TMEM62: variants seen among roughly 807,000 people sequenced by gnomAD.
The protein encoded by TMEM62 is transmembrane protein 62.
A neutral mutation model predicts 70.4 loss-of-function variants in TMEM62; 41 were observed. The ratio of observed to expected loss-of-function variants is 0.58; its 90% CI spans 0.45 to 0.76. The LOEUF is 0.76. Among genes scored for constraint, TMEM62 ranks in the 30% least tolerant of loss-of-function variants. The probability of loss-of-function intolerance (pLI) is 0.00; values close to 1 mark genes in which losing one functional copy is unlikely to be tolerated. For missense variants in TMEM62, 688 were observed against 788.5 expected (o/e 0.87, Z 1.53); for synonymous variants, 268 against 291.0 (o/e 0.92, Z 0.80).
intron 8 of TMEM62, among the ~76,000 whole-genome samples, 179 bp downstream of exon 8, chr15:43,152,124 AT>A (rs1267617082): frequency 6.6e-6 from 1 of 152,224 alleles, no homozygotes; most frequent in Non-Finnish European, 1.5e-5. Flanking sequence ...AAAGCATATC[AT>A]TTTTTTAAGC....
Position 43,146,569 on chromosome 15 carries a change from T to A in TMEM62, c.553T>A (p.Cys185Ser), listed in dbSNP as rs1393613295. Reference sequence around the variant, plus strand: ...TCCCTTTGGCAACTATTCGTTCATCTGTGTAGATGCCACTGTAAATCCAGG... The same window carrying A: ...TCCCTTTGGCAACTATTCGTTCATCAGTGTAGATGCCACTGTAAATCCAGG... The part of the protein sequence containing the change: ...STPFGNYSFI[C>S]VDATVNPGPK... The change falls in exon 5 of 14, where the codon TGT (cysteine) becomes AGT (serine). Residue 185 changes from cysteine (C) to serine (S), a missense_variant. Coordinates refer to ENST00000260403, the MANE Select transcript of TMEM62 (RefSeq NM_024956.4). The A allele has an allele frequency of 8.1e-6, 13 of 1,613,516 alleles. No individual in the cohort carries two copies. The East Asian group carries it at 2.7e-4, about 33-fold the overall frequency.
chr15:43,146,481 T>C lies in TMEM62; in HGVS notation c.477-12T>C. 6.2e-7 allele frequency: 1 copy of C among 1,604,842 alleles called. No homozygotes were observed. The highest frequency in any genetic ancestry group is 8.5e-7 in the Non-Finnish European group (1 of 1,176,938). ...TTATTACACTAACACCCTCCTGTCT[T>C]CTATTTTTTAGGAAATATTCTGCTG... On this transcript the variant is annotated splice_polypyrimidine_tract_variant and intron_variant, in intron 4 of 13. Coordinates refer to ENST00000260403, the MANE Select transcript of TMEM62 (RefSeq NM_024956.4).
intron 9 of TMEM62, 27 bp downstream of exon 9, chr15:43,154,858 G>C (rs2037847640): frequency 6.5e-7 from 1 of 1,541,692 alleles, no homozygotes; most frequent in East Asian, 2.3e-5. Context: ...TATTTACTAT[G>C]TAAATGATTA....
intron 10 of TMEM62, among the ~76,000 whole-genome samples, chr15:43,163,389 T>A (rs1007372144): frequency 3.9e-5 from 6 of 152,200 alleles, no homozygotes; most frequent in Admixed American, 3.9e-4. Flanking sequence ...ACAAAATTTT[T>A]AAATCATTTG....
intron 1 of TMEM62, 60 bp downstream of exon 1, chr15:43,134,042 C>G (rs2271962): frequency 0.029 from 42,305 of 1,436,860 alleles, 862 homozygotes; most frequent in East Asian, 0.069. Context: ...TGCGGTGGGA[C>G]CCTTGCGGGT....
At chr15:43,139,647 C>T (rs112027002) in intron 4 of TMEM62, among the ~76,000 whole-genome samples, 3 of 152,292 alleles carry the variant, frequency 2.0e-5, no homozygotes, top group Admixed American at 6.5e-5. Flanking sequence ...ATGTGGAGAA[C>T]GTTTTCGTGT....
chr15:43,170,263 G>A (rs1596328954), intron 11 of TMEM62, among the ~76,000 whole-genome samples: 1 of 152,216 alleles, frequency 6.6e-6, no homozygotes, highest in Non-Finnish European at 1.5e-5. Flanking sequence ...GTATGACAAG[G>A]TGTGTCTGAC....
intron 10 of TMEM62, among the ~76,000 whole-genome samples, chr15:43,168,864 G>C (rs1410348265): frequency 6.6e-6 from 1 of 152,210 alleles, no homozygotes; most frequent in Non-Finnish European, 1.5e-5. Flanking sequence ...TAGTCAGCTG[G>C]TGCTGGAGCT....
At chr15:43,155,966 C>T (rs1266617030) in intron 9 of TMEM62, among the ~76,000 whole-genome samples, 1 of 152,120 alleles carries the variant, frequency 6.6e-6, no homozygotes, top group Non-Finnish European at 1.5e-5. Context: ...AAATAATAAT[C>T]ATTACCAAAA....
intron 4 of TMEM62, among the ~76,000 whole-genome samples, chr15:43,141,265 C>T (rs1185900679): frequency 6.6e-6 from 1 of 152,208 alleles, no homozygotes. Flanking sequence ...TGGGTTCCTG[C>T]TCCATAGCTG....
intron 4 of TMEM62, among the ~76,000 whole-genome samples, chr15:43,145,362 G>A (rs891496983): frequency 1.3e-5 from 2 of 151,464 alleles, no homozygotes; most frequent in Non-Finnish European, 2.9e-5. Context: ...CCGCCAGCAC[G>A]CCCGGCTAAT....
intron 9 of TMEM62, among the ~76,000 whole-genome samples, chr15:43,157,662 C>T (rs1046713390): frequency 1.3e-5 from 2 of 151,984 alleles, no homozygotes; most frequent in African/African-American, 4.8e-5. Flanking sequence ...CTTCTTTATC[C>T]CTATCTCCCC....
chr15:43,183,551 C>T (rs1294223733), intron 13 of TMEM62, among the ~76,000 whole-genome samples: 1 of 152,182 alleles, frequency 6.6e-6, no homozygotes, highest in African/African-American at 2.4e-5. Flanking sequence ...TCATTCTTGT[C>T]CTTCTGGCCT....
chr15:43,146,447 AT>A (rs762868572), intron 4 of TMEM62, 45 bp from the exon 5 acceptor site: 6 of 1,548,536 alleles, frequency 3.9e-6, no homozygotes, highest in Non-Finnish European at 1.7e-6. Context: ...ATTTTAAAGC[AT>A]TGTCTTTTTA....
In TMEM62 at chr15:43,134,227, ATC is replaced by A. The variant is rs745997568; in HGVS notation, c.181-24_181-23del. The A allele has an allele frequency of 2.5e-5, 40 of 1,605,574 alleles. No homozygotes were observed. The East Asian group carries it at 2.7e-4, about 11-fold the overall frequency. On this transcript the variant is annotated intron_variant, in intron 1 of 13. Transcript: ENST00000260403. ...CCCATGCTGCCTCTTCCTGGCTCAG[ATC>A]TCTCTGTTCAATACCTGTTTTCGGC...
In TMEM62 at chr15:43,137,754, C is replaced by A. The variant is rs549617230; in HGVS notation, c.431-820C>A. Among the ~76,000 whole-genome samples the A allele has an allele frequency of 7.9e-5, 12 of 152,364 alleles. No homozygotes were observed. In the South Asian group the frequency reaches 2.1e-3, roughly 26 times the overall value. On this transcript the variant is annotated intron_variant, in intron 3 of 13. Coordinates refer to ENST00000260403, the MANE Select transcript of TMEM62 (RefSeq NM_024956.4). ...CATGGAAGGCTGGTCATACCAGAGT[C>A]CCACCTTGGCACAGGCCTTGCCATT...
At position 43,168,093 on chromosome 15, in the gene TMEM62, C is replaced by G. The variant is rs537847527; in HGVS notation, c.1297-1500C>G. Among the ~76,000 whole-genome samples, 10 of 145,886 alleles carry G rather than the reference C, an allele frequency of 6.9e-5. No homozygotes were observed. In the East Asian group the frequency reaches 1.3e-3, roughly 19 times the overall value. On this transcript the variant is annotated intron_variant, in intron 10 of 13. Transcript: ENST00000260403. ...GCAGCGGTACAGTCCAGCTTCGGCT[C>G]GGCATCAGAGGGAGACTGTGGAAAG...
intron 10 of TMEM62, among the ~76,000 whole-genome samples, chr15:43,162,710 C>A (rs1030198233): frequency 2.0e-5 from 3 of 152,032 alleles, no homozygotes; most frequent in East Asian, 1.9e-4. Flanking sequence ...GGGATTACAG[C>A]GGTAAGCCAC....
chr15:43,166,710 C>A (rs1250925891), intron 10 of TMEM62, among the ~76,000 whole-genome samples: 2 of 152,112 alleles, frequency 1.3e-5, no homozygotes, highest in Non-Finnish European at 2.9e-5. Flanking sequence ...CGGCCTTCCG[C>A]AGTTTTTGTG....
Sources: allele counts gnomAD v4.1 joint callset (sites outside exome capture counted in the v4.1 genomes callset), GRCh38; gene constraint gnomAD v4.1.1; transcripts MANE v1.5; gene names NCBI Gene and HGNC (gene_info 2026-07-23, HGNC 2026-07-21).